Variants in CDH23 observed in about 807,000 individuals in gnomAD.
CDH23 encodes the protein cadherin-23.
In CDH23, 189 loss-of-function variants were observed where a neutral mutation model predicts 317.1. The ratio of observed to expected loss-of-function variants is 0.60; its 90% CI spans 0.53 to 0.67. The LOEUF is 0.67. Among genes scored for constraint, CDH23 ranks in the 30% least tolerant of loss-of-function variants. The pLI, the probability that CDH23 is intolerant of heterozygous loss-of-function variation, is 0.00. For missense variants in CDH23, 4,401 were observed against 4,592.4 expected (o/e 0.96, Z 1.20); for synonymous variants, 1,839 against 1,876.8 (o/e 0.98, Z 0.52).
In CDH23 at chr10:71,732,278, A is replaced by G. The variant is rs752970985; in HGVS notation, c.4007A>G (p.Gln1336Arg). 2 of 1,613,354 alleles carry G rather than the reference A, an allele frequency of 1.2e-6. No homozygotes were observed. The highest frequency in any genetic ancestry group is 1.7e-6 in the Non-Finnish European group (2 of 1,179,572). Residue 1336 changes from glutamine to arginine, a missense_variant, in exon 32 of 70, where the codon CAG (glutamine) becomes CGG (arginine). Physicochemically the swap from Gln to Arg is conservative, Grantham distance 43. Around this residue, in one of 3 missense-constraint regions of CDH23, gnomAD observed 3,068 missense variants for 3,203.3 expected, o/e 0.96. Coordinates refer to ENST00000224721, the MANE Select transcript of CDH23 (RefSeq NM_022124.6). ...LALGTEIVRVQAYSIDNLNQI... is the reference protein window; with the variant it reads ...LALGTEIVRVRAYSIDNLNQI... ...CTGGGTACTGAGATTGTGCGGGTCC[A>G]GGCCTACTCCATCGACAACCTCAAC...
chr10:71,612,227 A>AGTGTGTGTGT (rs112383786), intron 9 of CDH23, among the ~76,000 whole-genome samples: 109 of 149,302 alleles, frequency 7.3e-4, no homozygotes, highest in African/African-American at 2.6e-3. Context: ...GTGAAAAAGA[A>AGTGTGTGTGT]GTGTGTGTGT....
At chr10:71,766,146 T>C (rs1479824795) in intron 38 of CDH23, among the ~76,000 whole-genome samples, 1 of 152,252 alleles carries the variant, frequency 6.6e-6, no homozygotes, top group Non-Finnish European at 1.5e-5. Context: ...TTACAATTCT[T>C]TGGCGAGAGG....
chr10:71,465,789 C>T (rs1425517278), intron 3 of CDH23, among the ~76,000 whole-genome samples: 2 of 152,194 alleles, frequency 1.3e-5, no homozygotes, highest in Non-Finnish European at 2.9e-5. Context: ...TGAGAGAAAG[C>T]AAACGGCCGA....
intron 17 of CDH23, among the ~76,000 whole-genome samples, chr10:71,680,419 C>T (rs759339715): frequency 5.3e-5 from 8 of 152,120 alleles, no homozygotes; most frequent in Non-Finnish European, 1.2e-4. Flanking sequence ...CCCACTACCC[C>T]ACAGTTAGTT....
intron 18 of CDH23, among the ~76,000 whole-genome samples, chr10:71,684,438 C>G (rs117365408): frequency 7.2e-5 from 11 of 152,164 alleles, no homozygotes; most frequent in South Asian, 2.1e-4. Context: ...GCTCCACCCC[C>G]CCTGGAGACA....
intron 66 of CDH23, 108 bp from the exon 67 acceptor site, chr10:71,812,372 A>G (rs1230526201): frequency 6.2e-7 from 1 of 1,602,136 alleles, no homozygotes; most frequent in South Asian, 1.1e-5. Context: ...AGTCAGTGAA[A>G]GGCACTATAT....
intron 3 of CDH23, among the ~76,000 whole-genome samples, chr10:71,458,311 A>G (rs1367352446): frequency 6.6e-6 from 1 of 152,178 alleles, no homozygotes; most frequent in Admixed American, 6.5e-5. Flanking sequence ...AGGTCCCCTC[A>G]CCCATGTGCC....
chr10:71,806,383 C>T, intron 57 of CDH23, 102 bp downstream of exon 57: 2 of 809,248 alleles, frequency 2.5e-6, no homozygotes, highest in South Asian at 3.0e-5. Context: ...ACACATTTGG[C>T]TAGACACGGA....
chr10:71,781,277 C>T (rs774070837), intron 41 of CDH23, among the ~76,000 whole-genome samples: 38 of 152,186 alleles, frequency 2.5e-4, no homozygotes, highest in Admixed American at 2.6e-4. Context: ...CCCTGCTGCC[C>T]AGAGCTTATG....
In CDH23 at chr10:71,813,301, C is replaced by T. The variant is rs1332428012; in HGVS notation, c.9691C>T (p.Gln3231Ter). ...CCTGCGGCTCAAAAAGCTCTTTGCA[C>T]AGCGGATGGTGCAAAAAGCCTCCTC... ...DYLRLKKLFA[Q>*]RMVQKASSCH... Residue 3231 changes from glutamine to a stop codon, truncating the protein, a stop_gained, in exon 69 of 70, where the codon CAG becomes TAG. Transcript: ENST00000224721. LOFTEE classifies it high-confidence loss of function. 3.9e-6 allele frequency: 6 copies of T among 1,551,544 alleles called. No individual in the cohort carries two copies. In the Admixed American group the frequency reaches 5.9e-5, roughly 15 times the overall value.
chr10:71,428,602 T>A (rs1040618491), intron 1 of CDH23, among the ~76,000 whole-genome samples: 4 of 151,562 alleles, frequency 2.6e-5, no homozygotes, highest in African/African-American at 9.7e-5. Flanking sequence ...CTTTTTTTTT[T>A]AATCGAGATG....
At chr10:71,774,112 C>G (rs1414581821) in intron 38 of CDH23, among the ~76,000 whole-genome samples, 3 of 151,556 alleles carry the variant, frequency 2.0e-5, no homozygotes, top group African/African-American at 7.3e-5. Context: ...GACTACACGC[C>G]AAGATCAGCA....
At chr10:71,723,583 C>T (rs1866663534) in intron 28 of CDH23, among the ~76,000 whole-genome samples, 1 of 152,168 alleles carries the variant, frequency 6.6e-6, no homozygotes, top group African/African-American at 2.4e-5. Context: ...TTACAGTGTA[C>T]AGTGCCGGCT....
At chr10:71,520,975 T>C (rs1170121744) in intron 6 of CDH23, among the ~76,000 whole-genome samples, 1 of 152,098 alleles carries the variant, frequency 6.6e-6, no homozygotes, top group African/African-American at 2.4e-5. Flanking sequence ...TATTATAATT[T>C]CTCTGATTCC....
At chr10:71,538,688 A>G (rs542188793) in intron 6 of CDH23, among the ~76,000 whole-genome samples, 2 of 152,326 alleles carry the variant, frequency 1.3e-5, no homozygotes, top group East Asian at 3.9e-4. Flanking sequence ...CCATGGATAC[A>G]GCGTGCAACA....
intron 3 of CDH23, among the ~76,000 whole-genome samples, chr10:71,475,071 C>G (rs1256950511): frequency 6.6e-6 from 1 of 152,200 alleles, no homozygotes; most frequent in Non-Finnish European, 1.5e-5. Flanking sequence ...ATTTGCCCCT[C>G]CAGGCCCTGC....
intron 32 of CDH23, chr10:71,732,731 G>GTATCCTTCTGTT: frequency 8.6e-7 from 1 of 1,160,988 alleles, no homozygotes; most frequent in Non-Finnish European, 1.1e-6. Context: ...ATGCAGGCTG[G>GTATCCTTCTGTT]TATCCTTCTG....
intron 1 of CDH23, among the ~76,000 whole-genome samples, chr10:71,399,167 A>G (rs1212482932): frequency 6.6e-6 from 1 of 152,240 alleles, no homozygotes; most frequent in Non-Finnish European, 1.5e-5. Flanking sequence ...TAAAATGCAC[A>G]TTCTTCTGGG....
chr10:71,741,898 G>T lies in CDH23; in HGVS notation c.4822G>T (p.Asp1608Tyr). ...SFYHLVATVE[D>Y]EGTPTLSATT... The stretch of plus-strand genomic sequence containing the variant: ...CTACCACCTGGTGGCCACTGTGGAG[G>T]ACGAGGGCACCCCAACCCTGTCGGT... Residue 1608 changes from aspartate to tyrosine, a missense_variant, in exon 38 of 70, where the codon GAC (aspartate) becomes TAC (tyrosine). Asp to Tyr is a radical substitution (Grantham distance 160). Transcript: ENST00000224721. 6.2e-7 allele frequency: 1 copy of T among 1,605,502 alleles called. No individual in the cohort carries two copies. The highest frequency in any genetic ancestry group is 8.5e-7 in the Non-Finnish European group (1 of 1,176,182).
Sources: allele counts gnomAD v4.1 joint callset (sites outside exome capture counted in the v4.1 genomes callset), GRCh38; gene constraint gnomAD v4.1.1; regional missense constraint gnomAD v4.1.1; transcripts MANE v1.5; gene names NCBI Gene and HGNC (gene_info 2026-07-23, HGNC 2026-07-21).